Variants in ABCC1 observed in about 807,000 individuals in gnomAD.
ABCC1 encodes multidrug resistance-associated protein 1.
ABCC1 carries 83 observed loss-of-function variants against 172.9 expected under a neutral mutation model. That is an observed-to-expected ratio of 0.48 (90% CI 0.40 to 0.58). The LOEUF (loss-of-function observed/expected upper bound fraction) is 0.58. ABCC1 is among the 20% of genes least tolerant of loss of function. The pLI is 0.00. For missense variants in ABCC1, 1,817 were observed against 2,002.7 expected (o/e 0.91, Z 1.77); for synonymous variants, 937 against 825.2 (o/e 1.14, Z -2.32).
chr16:16,072,700 C>T (rs574792940), intron 14 of ABCC1, among the ~76,000 whole-genome samples: 2 of 152,012 alleles, frequency 1.3e-5, no homozygotes, highest in East Asian at 3.9e-4. Flanking sequence ...CCCAGCCCAT[C>T]CCCCTGAGCC....
chr16:15,952,929 A>C (rs1409966675), intron 1 of ABCC1, among the ~76,000 whole-genome samples: 1 of 150,626 alleles, frequency 6.6e-6, no homozygotes, highest in African/African-American at 2.4e-5. Flanking sequence ...GGTCCCGGCT[A>C]CTAGGGAGGC....
intron 19 of ABCC1, among the ~76,000 whole-genome samples, chr16:16,092,592 T>G (rs2051300072): frequency 6.6e-6 from 1 of 152,242 alleles, no homozygotes; most frequent in Non-Finnish European, 1.5e-5. Flanking sequence ...ATTGTGCAGA[T>G]AGACCATACT....
rs1232026841 is a variant in ABCC1, at chr16:16,141,369, C to T, written c.*88C>T. ...TCAGTACCCCTGGTAAACCAAGCCT[C>T]CCACACTGAAACCAAAACATAAAAA... On this transcript the variant is annotated 3_prime_UTR_variant, in exon 31 of 31. Transcript: ENST00000399410. The T allele has an allele frequency of 1.6e-6, 2 of 1,264,194 alleles. No homozygotes were observed. The highest frequency in any genetic ancestry group is 2.2e-6 in the Non-Finnish European group (2 of 889,268). The allele number at this position is 1,264,194 out of a possible 1,614,324, so 78.3% of individuals were successfully genotyped here.
intron 12 of ABCC1, among the ~76,000 whole-genome samples, chr16:16,065,225 A>C (rs978346657): frequency 6.6e-6 from 1 of 152,168 alleles, no homozygotes; most frequent in Non-Finnish European, 1.5e-5. Context: ...TTTGACTTCT[A>C]CACTGAAAAA....
intron 13 of ABCC1, among the ~76,000 whole-genome samples, chr16:16,069,167 T>TA (rs1227572014): frequency 2.0e-3 from 244 of 121,324 alleles, no homozygotes; most frequent in African/African-American, 7.5e-3. Context: ...TAAAATAAAA[T>TA]AAAAATAAAT....
intron 21 of ABCC1, among the ~76,000 whole-genome samples, chr16:16,108,562 A>C (rs2052244432): frequency 6.8e-6 from 1 of 146,890 alleles, no homozygotes; most frequent in Non-Finnish European, 1.5e-5. Flanking sequence ...GGCATGAGCC[A>C]CTGCGCCCGG....
intron 5 of ABCC1, among the ~76,000 whole-genome samples, chr16:16,031,468 G>A (rs3784864): frequency 0.4 from 61,300 of 152,022 alleles, 13,974 homozygotes; most frequent in Non-Finnish European, 0.52. Context: ...TCTGGGAAAT[G>A]AGTTCTTTGA....
intron 21 of ABCC1, among the ~76,000 whole-genome samples, chr16:16,109,501 T>A (rs551330689): frequency 1.6e-4 from 24 of 152,276 alleles, no homozygotes; most frequent in African/African-American, 5.8e-4. Context: ...GACCCAAAAT[T>A]CAGCATGAAA....
chr16:15,961,771 CTTTT>C (rs4148334), intron 1 of ABCC1, among the ~76,000 whole-genome samples: 7 of 129,202 alleles, frequency 5.4e-5, no homozygotes, highest in African/African-American at 1.4e-4. Context: ...ATCAAATCAA[CTTTT>C]TTTTTTTTTT....
chr16:16,025,661 C>T, intron 5 of ABCC1, among the ~76,000 whole-genome samples: 1 of 152,124 alleles, frequency 6.6e-6, no homozygotes, highest in East Asian at 1.9e-4. Context: ...CTTAAACTAC[C>T]CTGCGCTCCA....
At chr16:16,005,437 T>C (rs1182281831) in intron 1 of ABCC1, among the ~76,000 whole-genome samples, 1 of 151,138 alleles carries the variant, frequency 6.6e-6, no homozygotes, top group Non-Finnish European at 1.5e-5. Context: ...AACCTCCGCC[T>C]CCTGGGTTCA....
chr16:16,061,308 C>T (rs529686278), intron 12 of ABCC1, among the ~76,000 whole-genome samples: 5 of 152,322 alleles, frequency 3.3e-5, no homozygotes, highest in East Asian at 3.9e-4. Context: ...TTCATACAGC[C>T]GGACTTCGCA....
intron 2 of ABCC1, 25 bp downstream of exon 2, chr16:16,008,017 TGGGGGGTGGGAAGGTGCACCTGGAC>T: frequency 4.1e-6 from 2 of 482,696 alleles, no homozygotes; most frequent in Non-Finnish European, 7.5e-6. Context: ...GGTTTCGTTG[TGGGGGGTGGGAAGGTGCACCTGGAC>T]GGGGAGTGGT....
chr16:15,975,569 G>C (rs77455361), intron 1 of ABCC1, among the ~76,000 whole-genome samples: 1 of 139,806 alleles, frequency 7.2e-6, no homozygotes, highest in African/African-American at 2.6e-5. Flanking sequence ...GTTTTTTTTT[G>C]TTTTGAGACT....
chr16:15,961,830 T>C (rs1047831061), intron 1 of ABCC1, among the ~76,000 whole-genome samples: 5 of 151,608 alleles, frequency 3.3e-5, no homozygotes, highest in Non-Finnish European at 5.9e-5. Context: ...GGCTGAGCCA[T>C]GTATTCACCC....
chr16:16,096,439 C>T (rs891110700), intron 19 of ABCC1, among the ~76,000 whole-genome samples: 2 of 152,094 alleles, frequency 1.3e-5, no homozygotes, highest in African/African-American at 4.8e-5. Context: ...GCCATAAGCA[C>T]CTCCCCAAGT....
At chr16:15,950,175 T>G (rs1334317877) in intron 1 of ABCC1, among the ~76,000 whole-genome samples, 2 of 152,002 alleles carry the variant, frequency 1.3e-5, no homozygotes, top group East Asian at 2.0e-4. Flanking sequence ...TCTGCTTCTG[T>G]TTTCCCATCT....
chr16:16,086,761 T>C, intron 17 of ABCC1, 63 bp from the exon 18 acceptor site: 2 of 1,581,136 alleles, frequency 1.3e-6, no homozygotes, highest in South Asian at 2.3e-5. Context: ...CTCGGCCTGC[T>C]TCTACGTATT....
chr16:16,004,117 T>TGGGG, intron 1 of ABCC1, among the ~76,000 whole-genome samples: 1 of 152,088 alleles, frequency 6.6e-6, no homozygotes, highest in African/African-American at 2.4e-5. Context: ...CTGGCTATGA[T>TGGGG]AGGGAGGACT....
Sources: allele counts gnomAD v4.1 joint callset (sites outside exome capture counted in the v4.1 genomes callset), GRCh38; gene constraint gnomAD v4.1.1; transcripts MANE v1.5; gene names NCBI Gene and HGNC (gene_info 2026-07-23, HGNC 2026-07-21).